The following METTL25 variants were observed in gnomAD, a reference collection of about 807,000 sequenced individuals.
METTL25 encodes the protein methyltransferase like 25.
METTL25 carries 64 observed loss-of-function variants against 71.6 expected under a neutral mutation model. The ratio of observed to expected loss-of-function variants is 0.89; its 90% CI spans 0.73 to 1.10. The LOEUF is 1.10. Among genes scored for constraint, METTL25 ranks in the 50% least tolerant of loss-of-function variants. METTL25 has a pLI of 0.00. For synonymous variants in METTL25, 287 were observed against 250.3 expected, an observed-to-expected ratio of 1.15 and a Z score of -1.38; for missense variants, 807 against 707.0, an observed-to-expected ratio of 1.14 and a Z score of -1.60.
Position 82,389,825 on chromosome 12 carries a change from A to G in METTL25, c.434A>G (p.Gln145Arg), listed in dbSNP as rs1465752020. The part of the protein sequence containing the change: ...GNQNQRIGEN[Q>R]KAVEFMNMKK... ...CTTTTATTTTCATTAGGTGAAAATC[A>G]GAAGGCAGTTGAGTTTATGAATATG... Residue 145 changes from glutamine (Q) to arginine (R), a missense_variant, in exon 3 of 12, where the codon CAG becomes CGG. By Grantham distance (43) the Gln-to-Arg change is conservative. Transcript: ENST00000248306. The G allele has an allele frequency of 1.3e-6, 2 of 1,596,364 alleles. No individual in the cohort carries two copies. Among genetic ancestry groups the G allele is most frequent in the East Asian group, 2.3e-5 (1 of 44,418 alleles).
intron 1 of METTL25, among the ~76,000 whole-genome samples, chr12:82,381,311 C>T (rs999145557): frequency 2.0e-5 from 3 of 151,998 alleles, no homozygotes; most frequent in Non-Finnish European, 4.4e-5. Context: ...CATTTAATTT[C>T]ATTTTTATAA....
intron 9 of METTL25, among the ~76,000 whole-genome samples, chr12:82,471,186 G>T (rs891282276): frequency 1.3e-5 from 2 of 152,124 alleles, no homozygotes; most frequent in Admixed American, 6.5e-5. Flanking sequence ...TTCTTAAATT[G>T]ATGCAACATG....
At chr12:82,426,053 C>G (rs1000797585) in intron 5 of METTL25, among the ~76,000 whole-genome samples, 13 of 151,966 alleles carry the variant, frequency 8.6e-5, no homozygotes, top group African/African-American at 3.1e-4. Context: ...TATATGAATG[C>G]AAAGAGAAGA....
intron 5 of METTL25, among the ~76,000 whole-genome samples, chr12:82,406,841 G>A (rs1366650849): frequency 6.6e-6 from 1 of 152,132 alleles, no homozygotes; most frequent in Non-Finnish European, 1.5e-5. Context: ...TGTCTTGAAA[G>A]ATTCAGTAGA....
At chr12:82,406,393 C>T (rs1029889355) in intron 5 of METTL25, among the ~76,000 whole-genome samples, 2 of 152,022 alleles carry the variant, frequency 1.3e-5, no homozygotes, top group Non-Finnish European at 2.9e-5. Context: ...TACATATACA[C>T]ATTCTATATT....
Position 82,456,744 on chromosome 12 carries a change from A to C in METTL25, c.1496A>C (p.Lys499Thr). The C allele has an allele frequency of 6.3e-7, 1 of 1,597,796 alleles. No homozygotes were observed. The highest frequency in any genetic ancestry group is 8.5e-7 in the Non-Finnish European group (1 of 1,172,646). Residue 499 changes from lysine to threonine, a missense_variant, in exon 9 of 12, where the codon AAA becomes ACA. Physicochemically the swap from Lys to Thr is moderately conservative, Grantham distance 78. Coordinates refer to ENST00000248306, the MANE Select transcript of METTL25 (RefSeq NM_032230.3). ...TTTTACAGTGATCGGCATGTTGGTA[A>C]AATTTATTCCAAATGTTCTTCTTTT... ...GITKCDRHVG[K>T]IYSKCSSFLD...
In METTL25 at chr12:82,477,280, G is replaced by C. The variant is rs780318603; in HGVS notation, c.1648-1G>C. ...CTACCTATCTAATTTTTTTATTTTA[G>C]TTGAAAGTTGTACTGGCTCCCTGTA... is the stretch of plus-strand genomic sequence containing the variant. On this transcript the variant is annotated splice_acceptor_variant, in intron 10 of 11. Transcript: ENST00000248306. LOFTEE classifies it high-confidence loss of function. 1 of 1,503,908 alleles carries C rather than the reference G, an allele frequency of 6.6e-7. No homozygotes were observed. Among genetic ancestry groups the C allele is most frequent in the South Asian group, 1.3e-5 (1 of 76,194 alleles). The allele number at this position is 1,503,908 out of a possible 1,614,324, so 93.2% of individuals were successfully genotyped here. A position where few individuals can be genotyped will look rare whatever the true frequency, so the allele number is the denominator to read the frequency against.
At chr12:82,361,564 CAGGG>C (rs1881906360) in intron 1 of METTL25, among the ~76,000 whole-genome samples, 1 of 152,178 alleles carries the variant, frequency 6.6e-6, no homozygotes, top group South Asian at 2.1e-4. Flanking sequence ...CCCTGCCCCG[CAGGG>C]AGGCAGCTGA....
chr12:82,464,213 A>G (rs114928339), intron 9 of METTL25, among the ~76,000 whole-genome samples: 3 of 151,676 alleles, frequency 2.0e-5, no homozygotes, highest in Admixed American at 6.6e-5. Context: ...CATTTCCCCT[A>G]TGTTTTCTCC....
intron 9 of METTL25, among the ~76,000 whole-genome samples, chr12:82,475,209 A>G (rs1253699857): frequency 6.6e-6 from 1 of 152,200 alleles, no homozygotes; most frequent in Non-Finnish European, 1.5e-5. Flanking sequence ...AAAGGAGAGA[A>G]CTAAAGGCTG....
intron 1 of METTL25, among the ~76,000 whole-genome samples, chr12:82,378,712 C>G (rs2136904443): frequency 6.6e-6 from 1 of 152,186 alleles, no homozygotes; most frequent in East Asian, 1.9e-4. Flanking sequence ...ACAAAGAATC[C>G]TTTATGTGCC....
rs149531529 is a variant in METTL25 at position 82,425,072 on chromosome 12, G to A, written c.1280-5821G>A. On this transcript the variant is annotated intron_variant, in intron 5 of 11. Coordinates refer to ENST00000248306, the MANE Select transcript of METTL25 (RefSeq NM_032230.3). ...TACAAGAATTATCATTGTGTATTAC[G>A]GTATAGATAAGATATCCTAGAGAAG... Among the ~76,000 whole-genome samples the A allele has an allele frequency of 1.9e-3, 291 of 152,060 alleles. 1 individual carries two copies. Among genetic ancestry groups the A allele is most frequent in the African/African-American group, 6.7e-3 (278 of 41,510 alleles).
intron 1 of METTL25, among the ~76,000 whole-genome samples, chr12:82,373,686 T>C (rs1035414780): frequency 1.3e-5 from 2 of 152,154 alleles, no homozygotes; most frequent in Non-Finnish European, 2.9e-5. Context: ...CCAACTTGTT[T>C]GTGGGACCCT....
chr12:82,372,303 C>T (rs1341465976), intron 1 of METTL25, among the ~76,000 whole-genome samples: 3 of 152,120 alleles, frequency 2.0e-5, no homozygotes, highest in Non-Finnish European at 2.9e-5. Flanking sequence ...GGGGACATAA[C>T]GAATAGCCTG....
At chr12:82,386,154 T>A (rs1884969227) in intron 1 of METTL25, among the ~76,000 whole-genome samples, 1 of 152,082 alleles carries the variant, frequency 6.6e-6, no homozygotes. Context: ...TATAACCTGA[T>A]TCGTTTTGGA....
At chr12:82,470,315 C>T (rs1892497322) in intron 9 of METTL25, among the ~76,000 whole-genome samples, 1 of 152,102 alleles carries the variant, frequency 6.6e-6, no homozygotes, top group Non-Finnish European at 1.5e-5. Flanking sequence ...TTGTCTGTAA[C>T]AGGTGTATTT....
intron 8 of METTL25, among the ~76,000 whole-genome samples, chr12:82,441,097 TAGGCCCC>T (rs1429442248): frequency 6.6e-6 from 1 of 152,026 alleles, no homozygotes; most frequent in Non-Finnish European, 1.5e-5. Flanking sequence ...TACTTTGAGT[TAGGCCCC>T]TAAAGATTTA....
chr12:82,461,834 T>C (rs2137272886), intron 9 of METTL25, among the ~76,000 whole-genome samples: 1 of 152,280 alleles, frequency 6.6e-6, no homozygotes, highest in East Asian at 1.9e-4. Flanking sequence ...ACATTTTGGG[T>C]ACTAAGATGT....
intron 4 of METTL25, among the ~76,000 whole-genome samples, chr12:82,402,537 TA>T (rs1418497158): frequency 6.6e-6 from 1 of 152,040 alleles, no homozygotes; most frequent in Non-Finnish European, 1.5e-5. Flanking sequence ...TCAAAAGTTG[TA>T]AAAAGAGATC....
Sources: gnomAD v4.1 joint callset for allele counts (sites outside exome capture counted in the v4.1 genomes callset) on GRCh38, gnomAD v4.1.1 for gene constraint, MANE v1.5 for transcripts, NCBI Gene and HGNC (gene_info 2026-07-23, HGNC 2026-07-21) for gene names.